The following FILIP1L variants were observed in gnomAD, a reference collection of about 807,000 sequenced individuals.
FILIP1L encodes filamin A-interacting protein 1-like.
FILIP1L carries 55 observed loss-of-function variants against 96.6 expected under a neutral mutation model. The observed-to-expected ratio is 0.57, with a 90% CI of 0.46 to 0.71. The LOEUF (loss-of-function observed/expected upper bound fraction) is 0.71, where lower values mean the gene tolerates loss of function less well. FILIP1L is among the 30% of genes least tolerant of loss of function. The pLI is 0.00. For synonymous variants in FILIP1L, 467 were observed against 473.9 expected, an observed-to-expected ratio of 0.99 and a Z score of 0.19; for missense variants, 1,304 against 1,321.2, an observed-to-expected ratio of 0.99 and a Z score of 0.20.
chr3:99,957,693 C>CTTTT (rs779350496), intron 1 of FILIP1L, among the ~76,000 whole-genome samples: 60 of 19,870 alleles, frequency 3.0e-3, no homozygotes, highest in Non-Finnish European at 4.5e-3. Context: ...TTCTTTCTTT[C>CTTTT]TTTTTTTTTT....
At chr3:99,902,236 T>C (rs1412448586) in intron 4 of FILIP1L, among the ~76,000 whole-genome samples, 2 of 152,156 alleles carry the variant, frequency 1.3e-5, no homozygotes, top group African/African-American at 4.8e-5. Context: ...GAGTAGGAAT[T>C]TGGGGGCATG....
rs545945918 is a variant in FILIP1L, at chr3:99,938,087, G to A, written c.-10-7057C>T. Among the ~76,000 whole-genome samples, 788 of 152,180 alleles carry A rather than the reference G, an allele frequency of 5.2e-3. 11 individuals are homozygous for A. Among genetic ancestry groups the A allele is most frequent in the African/African-American group, 0.018 (737 of 41,542 alleles). On this transcript the variant is annotated intron_variant, in intron 1 of 5. Coordinates refer to ENST00000477258, the MANE Select transcript of FILIP1L (RefSeq NM_001387850.1). ...TGTGTGTGTGTGTGCGCGCGCGCGC[G>A]CGCGTGCATGCACACTCGTGCTGGG...
intron 1 of FILIP1L, among the ~76,000 whole-genome samples, chr3:99,940,842 A>C (rs1216312163): frequency 1.3e-5 from 2 of 152,220 alleles, no homozygotes; most frequent in Admixed American, 1.3e-4. Flanking sequence ...AGAGGAGGTC[A>C]AGAGTTTCCA....
rs531005443 is a variant in FILIP1L at position 99,929,600 on chromosome 3, G to A, written c.426+256C>T. ...TGTGTGTATGTGCCTGCACATGCACGTGAGAGTGGGGAGCATTCTCTGGCA... is the reference window on the plus strand; with the variant it reads ...TGTGTGTATGTGCCTGCACATGCACATGAGAGTGGGGAGCATTCTCTGGCA... On this transcript the variant is annotated intron_variant, in intron 3 of 5. Coordinates refer to ENST00000477258, the MANE Select transcript of FILIP1L (RefSeq NM_001387850.1). 3.9e-5 allele frequency among the ~76,000 whole-genome samples: 6 copies of A among 152,134 alleles called. No individual in the cohort carries two copies. The South Asian group carries it at 6.2e-4, about 16-fold the overall frequency.
At chr3:99,997,579 A>G (rs1709719723) in intron 1 of FILIP1L, among the ~76,000 whole-genome samples, 1 of 152,182 alleles carries the variant, frequency 6.6e-6, no homozygotes, top group East Asian at 1.9e-4. Context: ...AATATTCACA[A>G]TAGATGGTAG....
chr3:99,998,757 G>T (rs926125356), intron 1 of FILIP1L, among the ~76,000 whole-genome samples: 1 of 152,154 alleles, frequency 6.6e-6, no homozygotes, highest in African/African-American at 2.4e-5. Context: ...TTTTAGTAGA[G>T]ACCGGGTTTC....
chr3:100,050,654 C>T (rs1006372772), intron 1 of FILIP1L, among the ~76,000 whole-genome samples: 1 of 152,146 alleles, frequency 6.6e-6, no homozygotes, highest in East Asian at 1.9e-4. Context: ...GCCTCAGCCT[C>T]CAAGTAGCTG....
intron 1 of FILIP1L, among the ~76,000 whole-genome samples, chr3:99,968,607 T>C (rs1024107779): frequency 1.3e-5 from 2 of 151,922 alleles, no homozygotes; most frequent in Non-Finnish European, 2.9e-5. Flanking sequence ...AAGGAGAATA[T>C]ATAGAATGAA....
intron 4 of FILIP1L, among the ~76,000 whole-genome samples, chr3:99,853,501 T>C (rs1402864252): frequency 6.6e-6 from 1 of 152,188 alleles, no homozygotes; most frequent in Non-Finnish European, 1.5e-5. Flanking sequence ...GAATGGTGAT[T>C]AGTGAGTGCA....
chr3:99,996,868 G>C (rs1709700874), intron 1 of FILIP1L, among the ~76,000 whole-genome samples: 2 of 151,250 alleles, frequency 1.3e-5, no homozygotes, highest in Non-Finnish European at 2.9e-5. Flanking sequence ...TTCAAGATGA[G>C]ATTTGGGTGG....
At chr3:100,007,247 C>G (rs1324489230) in intron 1 of FILIP1L, among the ~76,000 whole-genome samples, 1 of 152,178 alleles carries the variant, frequency 6.6e-6, no homozygotes, top group Admixed American at 6.5e-5. Context: ...GTTTGAGTCT[C>G]TCAGACATAC....
At chr3:99,938,474 G>T (rs1707758655) in intron 1 of FILIP1L, among the ~76,000 whole-genome samples, 1 of 152,168 alleles carries the variant, frequency 6.6e-6, no homozygotes, top group South Asian at 2.1e-4. Context: ...AACAAAGCTG[G>T]GAGTGATCCA....
chr3:99,951,812 C>T (rs1427135776), intron 1 of FILIP1L, among the ~76,000 whole-genome samples: 2 of 152,166 alleles, frequency 1.3e-5, no homozygotes, highest in South Asian at 2.1e-4. Flanking sequence ...CACAACTACT[C>T]AAACTCTATC....
chr3:100,024,167 G>A (rs1185176246), intron 1 of FILIP1L, among the ~76,000 whole-genome samples: 1 of 152,132 alleles, frequency 6.6e-6, no homozygotes, highest in Non-Finnish European at 1.5e-5. Context: ...TCATCTGGTT[G>A]TAAATAACAG....
chr3:99,858,262 G>A (rs569902503), intron 4 of FILIP1L, among the ~76,000 whole-genome samples: 5 of 152,026 alleles, frequency 3.3e-5, no homozygotes, highest in East Asian at 1.9e-4. Context: ...TGAGGAGATC[G>A]AGACCATCCT....
At chr3:100,062,176 A>ATCTTGGC (rs1413663340) in intron 1 of FILIP1L, among the ~76,000 whole-genome samples, 1 of 124,368 alleles carries the variant, frequency 8.0e-6, no homozygotes, top group Non-Finnish European at 1.6e-5. Context: ...CAGTGGCGCG[A>ATCTTGGC]TCTTGGCTCA....
At chr3:99,852,262 C>G (rs1010501518) in intron 4 of FILIP1L, among the ~76,000 whole-genome samples, 4 of 152,082 alleles carry the variant, frequency 2.6e-5, no homozygotes, top group Admixed American at 2.6e-4. Flanking sequence ...GGAATTGAAC[C>G]AAAGGACTTG....
chr3:99,888,643 C>T (rs1457943560), intron 4 of FILIP1L, among the ~76,000 whole-genome samples: 1 of 152,150 alleles, frequency 6.6e-6, no homozygotes, highest in Non-Finnish European at 1.5e-5. Flanking sequence ...AACCTATCAA[C>T]AATTTTATAT....
intron 1 of FILIP1L, among the ~76,000 whole-genome samples, chr3:100,016,506 T>C (rs764689856): frequency 3.9e-5 from 6 of 152,152 alleles, no homozygotes; most frequent in Admixed American, 1.3e-4. Context: ...TTATAACTTT[T>C]CTGATTTCTT....
Sources: gnomAD v4.1 joint callset for allele counts (sites outside exome capture counted in the v4.1 genomes callset) on GRCh38, gnomAD v4.1.1 for gene constraint, MANE v1.5 for transcripts, NCBI Gene and HGNC (gene_info 2026-07-23, HGNC 2026-07-21) for gene names.